PRKX: variants seen among roughly 807,000 people sequenced by gnomAD.
PRKX encodes protein kinase cAMP-dependent X-linked catalytic subunit.
A neutral mutation model predicts 22.0 loss-of-function variants in PRKX; 12 were observed. That is an observed-to-expected ratio of 0.54 (90% confidence interval 0.35 to 0.88). The LOEUF (loss-of-function observed/expected upper bound fraction) is 0.88, where lower values mean the gene tolerates loss of function less well. Among genes scored for constraint, PRKX ranks in the 40% least tolerant of loss-of-function variants. The pLI, the probability that PRKX is intolerant of heterozygous loss-of-function variation, is 0.01. For missense variants in PRKX, 217 were observed against 308.0 expected (o/e 0.70, Z 2.21); for synonymous variants, 134 against 137.7 (o/e 0.97, Z 0.19).
intron 3 of PRKX, among the ~76,000 whole-genome samples, chrX:3,642,522 A>G (rs1569047913): frequency 9.0e-6 from 1 of 110,909 alleles, no homozygotes; most frequent in Non-Finnish European, 1.9e-5. Context: ...CCTGTCAGGT[A>G]TGATGCTTAT....
At chrX:3,639,711 C>A (rs1272968710) in intron 4 of PRKX, among the ~76,000 whole-genome samples, 1 of 110,859 alleles carries the variant, frequency 9.0e-6, no homozygotes, top group Non-Finnish European at 1.9e-5. Flanking sequence ...TCTCCTCCTG[C>A]GGCATCTCAG....
chrX:3,629,097 C>T (rs1336060294), intron 4 of PRKX, among the ~76,000 whole-genome samples: 1 of 112,042 alleles, frequency 8.9e-6, no homozygotes, highest in Non-Finnish European at 1.9e-5. Flanking sequence ...GTGAATACGC[C>T]ACTATGGCCA....
At position 3,669,854 on chromosome X, in the gene PRKX, A is replaced by G. The variant is rs1159871182; in HGVS notation, c.335+4744T>C. On this transcript the variant is annotated intron_variant, in intron 2 of 8. Coordinates refer to ENST00000262848, the MANE Select transcript of PRKX (RefSeq NM_005044.5). Reference sequence around the variant, plus strand: ...CAACATATACCTACCTATCGTATCTATCATCTCTCTCTGTCCGTCGTCTGT... The same window carrying G: ...CAACATATACCTACCTATCGTATCTGTCATCTCTCTCTGTCCGTCGTCTGT... Among the ~76,000 whole-genome samples the G allele has an allele frequency of 2.7e-5, 3 of 111,897 alleles. No individual in the cohort carries two copies. The Admixed American group carries it at 2.8e-4, about 11-fold the overall frequency.
chrX:3,702,329 T>G (rs1928595056), intron 1 of PRKX, among the ~76,000 whole-genome samples: 1 of 113,055 alleles, frequency 8.8e-6, no homozygotes, highest in African/African-American at 3.2e-5. Flanking sequence ...AACCCTTTTG[T>G]TCTGCAAAAT....
chrX:3,713,357 G>A lies in PRKX; in HGVS notation c.-104C>T, dbSNP rs1233806776. On this transcript the variant is annotated 5_prime_UTR_variant, in exon 1 of 9. Coordinates refer to ENST00000262848, the MANE Select transcript of PRKX (RefSeq NM_005044.5). ...GGGCGGCGCGGCGGCGGCATCAACA[G>A]AGGCTCCCCATGCGCGCTCTCGCCT... 2.8e-6 allele frequency: 2 copies of A among 721,377 alleles called. No homozygotes were observed. Among genetic ancestry groups the A allele is most frequent in the East Asian group, 9.2e-5 (2 of 21,666 alleles). 59.4% of individuals were successfully genotyped at this position (721,377 alleles called of 1,213,427 possible). A position where few individuals can be genotyped will look rare whatever the true frequency, so the allele number is the denominator to read the frequency against.
chrX:3,614,313 C>T lies in PRKX; in HGVS notation c.951+1502G>A, dbSNP rs1402970792. 5.4e-5 allele frequency among the ~76,000 whole-genome samples: 6 copies of T among 111,242 alleles called. No individual in the cohort carries two copies. The East Asian group carries it at 1.7e-3, about 31-fold the overall frequency. ...GTTAGGAGATTGAGACCAGCCTGGC[C>T]AACATGGTGAAACCCCGTCTCTAGT... is the stretch of plus-strand genomic sequence containing the variant. On this transcript the variant is annotated intron_variant, in intron 7 of 8. Transcript: ENST00000262848.
chrX:3,684,080 G>A (rs1391327488), intron 1 of PRKX, among the ~76,000 whole-genome samples: 10 of 110,577 alleles, frequency 9.0e-5, no homozygotes, highest in Non-Finnish European at 3.8e-5. Context: ...GTGAAACCCC[G>A]TCTCTACTAA....
intron 3 of PRKX, among the ~76,000 whole-genome samples, chrX:3,645,573 T>C (rs769211504): frequency 8.9e-6 from 1 of 112,341 alleles, no homozygotes; most frequent in African/African-American, 3.2e-5. Context: ...GTTCTGGAAC[T>C]AGAGAGAGGT....
chrX:3,662,289 G>A (rs746609447), intron 2 of PRKX, among the ~76,000 whole-genome samples: 8 of 111,619 alleles, frequency 7.2e-5, no homozygotes, highest in African/African-American at 2.3e-4. Flanking sequence ...GGCCAGGTGC[G>A]GTGGCTCACG....
At position 3,700,216 on chromosome X, in the gene PRKX, T is replaced by A. The variant is rs186879748; in HGVS notation, c.166+12872A>T. On this transcript the variant is annotated intron_variant, in intron 1 of 8. Coordinates refer to ENST00000262848, the MANE Select transcript of PRKX (RefSeq NM_005044.5). ...TGACAGCCAAAGCACCAGCTCAGAA[T>A]CTGTATCAAAATACAATGTTTCAGG... is the stretch of plus-strand genomic sequence containing the variant. Among the ~76,000 whole-genome samples the A allele has an allele frequency of 2.9e-4, 32 of 111,718 alleles. 1 individual carries two copies. The East Asian group carries it at 5.9e-3, about 21-fold the overall frequency.
chrX:3,676,481 C>T (rs1927958690), intron 1 of PRKX, among the ~76,000 whole-genome samples: 1 of 111,705 alleles, frequency 9.0e-6, no homozygotes, highest in Non-Finnish European at 1.9e-5. Context: ...GGCGTGGAAA[C>T]AACCTCAGTG....
chrX:3,693,441 G>C (rs1233750306), intron 1 of PRKX, among the ~76,000 whole-genome samples: 1 of 111,409 alleles, frequency 9.0e-6, no homozygotes, highest in East Asian at 2.8e-4. Context: ...CATCTACGCA[G>C]TGAGTGCTGC....
chrX:3,641,877 T>C lies in PRKX; in HGVS notation c.694A>G (p.Ile232Val), dbSNP rs180881700. The change falls in exon 4 of 9, where the codon ATC becomes GTC. Residue 232 changes from isoleucine (I) to valine (V), a missense_variant. Physicochemically the swap from Ile to Val is conservative, Grantham distance 29. Transcript: ENST00000262848. ...GRAVDWWALG[I>V]LIFEMLSGFP... ...CCCGAAAGCATCTCGAATATCAGGA[T>C]GCCGAGGGCCCACCAGTCCACGGCC... The C allele has an allele frequency of 2.6e-4, 132 of 502,251 alleles. 1 individual carries two copies. In the African/African-American group the frequency reaches 3.6e-3, roughly 14 times the overall value. The allele number at this position is 502,251 out of a possible 1,213,427, so 41.4% of individuals were successfully genotyped here.
intron 2 of PRKX, among the ~76,000 whole-genome samples, chrX:3,672,176 C>T (rs192510429): frequency 9.1e-6 from 1 of 110,375 alleles, no homozygotes; most frequent in South Asian, 3.9e-4. Flanking sequence ...AGATGGGCCA[C>T]AGAGCAAAAC....
chrX:3,631,276 C>T (rs750064405), intron 4 of PRKX, among the ~76,000 whole-genome samples: 6 of 112,507 alleles, frequency 5.3e-5, no homozygotes, highest in Non-Finnish European at 9.4e-5. Context: ...AGGGTTTTCA[C>T]AGATAGAATT....
intron 4 of PRKX, among the ~76,000 whole-genome samples, chrX:3,635,280 C>T (rs1057425852): frequency 9.0e-6 from 1 of 111,541 alleles, no homozygotes; most frequent in Non-Finnish European, 1.9e-5. Flanking sequence ...CTAATGCTCC[C>T]CGTGGAAGAG....
intron 2 of PRKX, among the ~76,000 whole-genome samples, chrX:3,662,215 G>C (rs1401830340): frequency 1.8e-5 from 2 of 110,677 alleles, no homozygotes; most frequent in Non-Finnish European, 3.8e-5. Context: ...GGGAGGCAGG[G>C]GGCATCTCTG....
intron 7 of PRKX, 98 bp downstream of exon 7, chrX:3,615,717 C>A (rs774286070): frequency 1.5e-6 from 1 of 671,850 alleles, no homozygotes; most frequent in East Asian, 3.6e-5. Context: ...AAATTAATCA[C>A]ATGTCAGCCA....
At chrX:3,632,006 A>G (rs1287956909) in intron 4 of PRKX, among the ~76,000 whole-genome samples, 1 of 112,321 alleles carries the variant, frequency 8.9e-6, no homozygotes, top group East Asian at 2.8e-4. Context: ...AGAAAAATTC[A>G]AAGAAAAACA....
Sources: allele counts gnomAD v4.1 joint callset (sites outside exome capture counted in the v4.1 genomes callset), GRCh38; gene constraint gnomAD v4.1.1; transcripts MANE v1.5; gene names NCBI Gene and HGNC (gene_info 2026-07-23, HGNC 2026-07-21).